The following MIPOL1 variants were observed in gnomAD, a reference collection of about 807,000 sequenced individuals.
MIPOL1 encodes mirror-image polydactyly 1, also known as mirror-image polydactyly gene 1 protein.
MIPOL1 carries 57 observed loss-of-function variants against 60.9 expected under a neutral mutation model. The observed-to-expected ratio is 0.94, with a 90% CI of 0.76 to 1.17. The LOEUF is 1.17. Ranked by LOEUF, MIPOL1 falls within the 50% of genes most tolerant of loss-of-function variation. The probability of loss-of-function intolerance (pLI) is 0.00; values close to 1 mark genes in which losing one functional copy is unlikely to be tolerated. For synonymous variants in MIPOL1, 179 were observed against 168.8 expected (o/e 1.06, Z -0.47); for missense variants, 551 against 511.6 (o/e 1.08, Z -0.74).
intron 11 of MIPOL1, among the ~76,000 whole-genome samples, chr14:37,496,986 G>A (rs1319287485): frequency 6.6e-6 from 1 of 151,452 alleles, no homozygotes; most frequent in East Asian, 1.9e-4. Flanking sequence ...AGAGCCCTCA[G>A]AAATAACACC....
At chr14:37,303,168 A>G (rs975168023) in intron 7 of MIPOL1, among the ~76,000 whole-genome samples, 1 of 151,856 alleles carries the variant, frequency 6.6e-6, no homozygotes, top group Non-Finnish European at 1.5e-5. Flanking sequence ...AAATGTCACA[A>G]CTCTTTTGAA....
At chr14:37,275,224 C>T (rs760236524) in intron 6 of MIPOL1, among the ~76,000 whole-genome samples, 1 of 151,114 alleles carries the variant, frequency 6.6e-6, no homozygotes, top group African/African-American at 2.4e-5. Flanking sequence ...ATTTACTTCA[C>T]TGTAGCTGTT....
chr14:37,214,084 C>G (rs1157040199), intron 1 of MIPOL1, among the ~76,000 whole-genome samples: 2 of 152,062 alleles, frequency 1.3e-5, no homozygotes, highest in Non-Finnish European at 2.9e-5. Flanking sequence ...AAAGGGAGTA[C>G]TTTAATTAGA....
At chr14:37,413,396 T>G (rs1421342077) in intron 10 of MIPOL1, among the ~76,000 whole-genome samples, 1 of 152,200 alleles carries the variant, frequency 6.6e-6, no homozygotes, top group African/African-American at 2.4e-5. Flanking sequence ...TTCCTTGGCT[T>G]GTGGCCCCCT....
chr14:37,260,898 T>C (rs2082476320), intron 3 of MIPOL1, among the ~76,000 whole-genome samples: 2 of 152,104 alleles, frequency 1.3e-5, no homozygotes, highest in Non-Finnish European at 2.9e-5. Context: ...TCATAGAATA[T>C]GTAATTAATA....
intron 11 of MIPOL1, among the ~76,000 whole-genome samples, chr14:37,452,110 C>T (rs1419050456): frequency 2.0e-5 from 3 of 151,956 alleles, no homozygotes; most frequent in African/African-American, 7.3e-5. Context: ...CCACCGCGCC[C>T]GGCCTGTTTA....
intron 10 of MIPOL1, among the ~76,000 whole-genome samples, chr14:37,382,864 C>G (rs1182554765): frequency 6.6e-6 from 1 of 151,818 alleles, no homozygotes; most frequent in Non-Finnish European, 1.5e-5. Flanking sequence ...TCACTCTTGC[C>G]TACTGACTCA....
intron 7 of MIPOL1, among the ~76,000 whole-genome samples, chr14:37,291,625 G>A (rs971228866): frequency 6.6e-6 from 1 of 151,912 alleles, no homozygotes. Context: ...TTTCATTCAT[G>A]CTGCCGCAAT....
chr14:37,238,400 C>T (rs867124283), intron 1 of MIPOL1, among the ~76,000 whole-genome samples: 5 of 152,126 alleles, frequency 3.3e-5, no homozygotes, highest in African/African-American at 7.2e-5. Context: ...ATTCTCACCC[C>T]AGGATAATAC....
intron 9 of MIPOL1, among the ~76,000 whole-genome samples, chr14:37,359,779 A>T (rs2092109393): frequency 6.6e-6 from 1 of 152,154 alleles, no homozygotes; most frequent in African/African-American, 2.4e-5. Context: ...GCAAACTTTG[A>T]CTTCCACTTT....
At chr14:37,234,137 A>G (rs981981531) in intron 1 of MIPOL1, among the ~76,000 whole-genome samples, 1 of 152,180 alleles carries the variant, frequency 6.6e-6, no homozygotes, top group Admixed American at 6.5e-5. Context: ...CATCGGGTAG[A>G]AAGTTTGCTC....
chr14:37,359,532 T>C (rs1008103680), intron 9 of MIPOL1, among the ~76,000 whole-genome samples: 1 of 152,126 alleles, frequency 6.6e-6, no homozygotes. Context: ...TTGTAGTTCT[T>C]CTTGAAGAGG....
chr14:37,273,684 C>A (rs559673112), intron 6 of MIPOL1, among the ~76,000 whole-genome samples: 2 of 151,448 alleles, frequency 1.3e-5, no homozygotes, highest in African/African-American at 4.8e-5. Context: ...TTGGGAAGAC[C>A]AAAATCCTTA....
At chr14:37,327,488 A>C (rs1441104469) in intron 9 of MIPOL1, among the ~76,000 whole-genome samples, 6 of 152,034 alleles carry the variant, frequency 3.9e-5, no homozygotes, top group Non-Finnish European at 8.8e-5. Context: ...GAGTCTCCTT[A>C]TGTTGCCCAA....
At chr14:37,528,926 G>C (rs1209861149) in intron 12 of MIPOL1, among the ~76,000 whole-genome samples, 1 of 152,092 alleles carries the variant, frequency 6.6e-6, no homozygotes, top group Non-Finnish European at 1.5e-5. Flanking sequence ...GTCATCCTCT[G>C]TCCTCAGTAA....
intron 7 of MIPOL1, among the ~76,000 whole-genome samples, chr14:37,292,212 G>T (rs1054459627): frequency 6.6e-6 from 1 of 151,514 alleles, no homozygotes; most frequent in Non-Finnish European, 1.5e-5. Context: ...GGTGTGAAGC[G>T]AAGCCACCAC....
chr14:37,226,494 A>G (rs1472283227), intron 1 of MIPOL1, among the ~76,000 whole-genome samples: 1 of 152,226 alleles, frequency 6.6e-6, no homozygotes, highest in East Asian at 1.9e-4. Flanking sequence ...TTATAGAACC[A>G]TCAGATCTCA....
chr14:37,348,758 C>G (rs2091123886), intron 9 of MIPOL1, among the ~76,000 whole-genome samples: 1 of 151,752 alleles, frequency 6.6e-6, no homozygotes, highest in Non-Finnish European at 1.5e-5. Flanking sequence ...TACTCAACAA[C>G]CTCCAGACTA....
chr14:37,349,366 C>T (rs1418357590), intron 9 of MIPOL1, among the ~76,000 whole-genome samples: 1 of 152,078 alleles, frequency 6.6e-6, no homozygotes, highest in African/African-American at 2.4e-5. Context: ...TACTCAAAAC[C>T]CTTTAGAAAC....
Sources: gnomAD v4.1 joint callset for allele counts (sites outside exome capture counted in the v4.1 genomes callset) on GRCh38, gnomAD v4.1.1 for gene constraint, MANE v1.5 for transcripts, NCBI Gene and HGNC (gene_info 2026-07-23, HGNC 2026-07-21) for gene names.